The following MECOM variants were observed in gnomAD, a reference collection of about 807,000 sequenced individuals.
MECOM encodes the protein histone-lysine N-methyltransferase MECOM.
Under a neutral mutation model 116.3 loss-of-function variants are expected in MECOM, and 13 were observed. The observed-to-expected ratio is 0.11, with a 90% CI of 0.07 to 0.18. The LOEUF is 0.18. MECOM is among the 10% of genes least tolerant of loss of function. The pLI is 1.00. For missense variants in MECOM, 1,299 were observed against 1,509.0 expected (o/e 0.86, Z 2.31); for synonymous variants, 528 against 535.2 (o/e 0.99, Z 0.19).
At chr3:169,240,238 T>G (rs1754616743) in intron 2 of MECOM, among the ~76,000 whole-genome samples, 1 of 152,174 alleles carries the variant, frequency 6.6e-6, no homozygotes, top group African/African-American at 2.4e-5. Context: ...TTTGCCTCAG[T>G]GGCCCCAGAG....
chr3:169,500,594 TATC>T (rs1319026121), intron 1 of MECOM, among the ~76,000 whole-genome samples: 2 of 152,114 alleles, frequency 1.3e-5, no homozygotes, highest in South Asian at 2.1e-4. Context: ...AAAAAACACA[TATC>T]ATTTTCTATT....
chr3:169,591,956 C>T (rs553460617), intron 1 of MECOM, among the ~76,000 whole-genome samples: 11 of 152,186 alleles, frequency 7.2e-5, no homozygotes, highest in Admixed American at 5.9e-4. Context: ...TTTTTCTGGT[C>T]CCCACCCATT....
intron 1 of MECOM, among the ~76,000 whole-genome samples, chr3:169,505,897 C>T (rs1755165368): frequency 6.6e-6 from 1 of 152,176 alleles, no homozygotes; most frequent in African/African-American, 2.4e-5. Flanking sequence ...CTCACTGCCT[C>T]CTTTAAGGCG....
chr3:169,193,176 C>G (rs1747942615), intron 2 of MECOM, among the ~76,000 whole-genome samples: 1 of 151,938 alleles, frequency 6.6e-6, no homozygotes, highest in Non-Finnish European at 1.5e-5. Context: ...AAATCCTGCA[C>G]TTAGGTTTAA....
At chr3:169,580,627 C>G (rs530708299) in intron 1 of MECOM, among the ~76,000 whole-genome samples, 2 of 152,226 alleles carry the variant, frequency 1.3e-5, no homozygotes, top group South Asian at 4.1e-4. Context: ...CCTGAAAAGG[C>G]AGCTCATGGA....
intron 1 of MECOM, among the ~76,000 whole-genome samples, chr3:169,410,561 C>T (rs1737392668): frequency 6.6e-6 from 1 of 151,878 alleles, no homozygotes; most frequent in South Asian, 2.1e-4. Context: ...TTGTGAAATC[C>T]AGCATGAGTA....
chr3:169,395,140 G>C (rs766842133), intron 1 of MECOM, among the ~76,000 whole-genome samples: 3 of 152,122 alleles, frequency 2.0e-5, no homozygotes, highest in African/African-American at 7.2e-5. Context: ...AAATTCAAGA[G>C]AGCCCAAGTA....
At chr3:169,103,880 T>A (rs1267684505) in intron 10 of MECOM, among the ~76,000 whole-genome samples, 3 of 152,272 alleles carry the variant, frequency 2.0e-5, no homozygotes, top group Non-Finnish European at 4.4e-5. Flanking sequence ...AGTTCTCTTT[T>A]TTCCCCCTTT....
intron 4 of MECOM, among the ~76,000 whole-genome samples, chr3:169,128,980 C>T (rs1251663852): frequency 3.9e-5 from 6 of 152,268 alleles, no homozygotes; most frequent in Middle Eastern, 6.8e-3. Flanking sequence ...AAAATACCCA[C>T]GGCAAACAAT....
intron 2 of MECOM, among the ~76,000 whole-genome samples, chr3:169,162,801 G>A (rs1365763999): frequency 2.0e-5 from 3 of 152,092 alleles, no homozygotes; most frequent in Non-Finnish European, 4.4e-5. Context: ...GGGTGAATCT[G>A]TCAGAATAAA....
intron 9 of MECOM, among the ~76,000 whole-genome samples, chr3:169,109,608 G>A (rs1468692879): frequency 2.0e-5 from 3 of 152,010 alleles, no homozygotes; most frequent in African/African-American, 7.2e-5. Flanking sequence ...TAGAGAAGGG[G>A]TTTCACTCTG....
intron 1 of MECOM, among the ~76,000 whole-genome samples, chr3:169,647,279 C>T (rs958603603): frequency 7.2e-5 from 11 of 152,198 alleles, no homozygotes; most frequent in Admixed American, 2.6e-4. Flanking sequence ...CATCTCTAAG[C>T]TAAGACAATA....
chr3:169,295,493 T>A (rs908421041), intron 2 of MECOM, among the ~76,000 whole-genome samples: 2 of 152,226 alleles, frequency 1.3e-5, no homozygotes, highest in African/African-American at 4.8e-5. Context: ...TACAATATAG[T>A]ATTTCAAAGT....
At chr3:169,655,998 G>A (rs188153889) in intron 1 of MECOM, among the ~76,000 whole-genome samples, 3 of 152,294 alleles carry the variant, frequency 2.0e-5, no homozygotes, top group African/African-American at 7.2e-5. Flanking sequence ...AAGAGGACCT[G>A]ACTTTTCAAT....
At chr3:169,127,391 A>T (rs1483166996) in intron 5 of MECOM, among the ~76,000 whole-genome samples, 1 of 152,138 alleles carries the variant, frequency 6.6e-6, no homozygotes, top group African/African-American at 2.4e-5. Flanking sequence ...ATTTAGATCA[A>T]TTGTTGAAAT....
rs548249169 is a variant in MECOM at position 169,340,470 on chromosome 3, T to C, written c.375+40717A>G. On this transcript the variant is annotated intron_variant, in intron 2 of 16. Transcript: ENST00000651503. ...CAAGTTAGATAGGATTATTTTTTAGTTAAGATGATAAACTGAGATAGAACT... is the reference window on the plus strand; with the variant it reads ...CAAGTTAGATAGGATTATTTTTTAGCTAAGATGATAAACTGAGATAGAACT... 2.0e-5 allele frequency among the ~76,000 whole-genome samples: 3 copies of C among 152,328 alleles called. No individual in the cohort carries two copies. In the East Asian group the frequency reaches 5.8e-4, roughly 29 times the overall value.
At chr3:169,316,885 C>T (rs1272092089) in intron 2 of MECOM, among the ~76,000 whole-genome samples, 1 of 152,184 alleles carries the variant, frequency 6.6e-6, no homozygotes, top group Non-Finnish European at 1.5e-5. Context: ...AGTTTCATTA[C>T]TGTGTGTCAT....
At chr3:169,326,249 A>G (rs548538147) in intron 2 of MECOM, among the ~76,000 whole-genome samples, 235 of 152,220 alleles carry the variant, frequency 1.5e-3, no homozygotes, top group Non-Finnish European at 2.9e-3. Context: ...AAACATTAGA[A>G]GAGAAAAGAT....
rs139106727 is a variant in MECOM at position 169,109,033 on chromosome 3, T to C, written c.2578-1081A>G. ...CAAGGAATAATAGCCACTTTTACAATAGTGTAATTGCAAAATGACTTCCAT... is the reference window on the plus strand; with the variant it reads ...CAAGGAATAATAGCCACTTTTACAACAGTGTAATTGCAAAATGACTTCCAT... On this transcript the variant is annotated intron_variant, in intron 9 of 16. Coordinates refer to ENST00000651503, the MANE Select transcript of MECOM (RefSeq NM_004991.4). 6.4e-3 allele frequency among the ~76,000 whole-genome samples: 976 copies of C among 152,296 alleles called. 8 individuals are homozygous for C. The highest frequency in any genetic ancestry group is 0.018 in the African/African-American group (767 of 41,564).
Sources: allele counts gnomAD v4.1 joint callset (sites outside exome capture counted in the v4.1 genomes callset), GRCh38; gene constraint gnomAD v4.1.1; transcripts MANE v1.5; gene names NCBI Gene and HGNC (gene_info 2026-07-23, HGNC 2026-07-21).